Variants in MAP3K4 observed in about 807,000 individuals in gnomAD.
MAP3K4 encodes mitogen-activated protein kinase kinase kinase 4, also known as MAP three kinase 1.
MAP3K4 carries 67 observed loss-of-function variants against 185.6 expected under a neutral mutation model. The observed-to-expected ratio is 0.36, with a 90% CI of 0.30 to 0.44. The LOEUF (loss-of-function observed/expected upper bound fraction) is 0.44, where lower values mean the gene tolerates loss of function less well. MAP3K4 is among the 20% of genes least tolerant of loss of function. The pLI is 1.00. For missense variants in MAP3K4, 1,551 were observed against 1,995.1 expected (o/e 0.78, Z 4.24); for synonymous variants, 702 against 710.4 (o/e 0.99, Z 0.19).
chr6:161,012,200 A>C (rs1781881069), intron 1 of MAP3K4, among the ~76,000 whole-genome samples: 1 of 152,136 alleles, frequency 6.6e-6, no homozygotes, highest in Non-Finnish European at 1.5e-5. Context: ...GCCTCTGAGA[A>C]TTTAGAGTCT....
chr6:161,065,780 T>TA (rs1480876073), intron 3 of MAP3K4, among the ~76,000 whole-genome samples: 1 of 151,944 alleles, frequency 6.6e-6, no homozygotes, highest in African/African-American at 2.4e-5. Context: ...CTACTAAAAA[T>TA]ACAAAAAATT....
rs182586139 is a variant in MAP3K4, at chr6:161,067,154, T to C, written c.1708-3454T>C. The C allele has an allele frequency of 7.1e-6, 2 of 282,786 alleles. No homozygotes were observed. The highest frequency in any genetic ancestry group is 7.6e-5 in the Admixed American group (2 of 26,450). 17.5% of individuals were successfully genotyped at this position (282,786 alleles called of 1,614,324 possible). On this transcript the variant is annotated intron_variant, in intron 3 of 26. Coordinates refer to ENST00000392142, the MANE Select transcript of MAP3K4 (RefSeq NM_005922.4). The surrounding 1 kb of genome is among the most constrained non-coding windows in gnomAD (Gnocchi z 6.3). ...ACAGCCTCAGGACGTCCTGACTATGTGTGCCCAAGGTGGTCAGGGCACAGC... is the reference window on the plus strand; with the variant it reads ...ACAGCCTCAGGACGTCCTGACTATGCGTGCCCAAGGTGGTCAGGGCACAGC...
chr6:161,098,461 C>T lies in MAP3K4; in HGVS notation c.3674+34C>T. On this transcript the variant is annotated intron_variant, in intron 17 of 26. Coordinates refer to ENST00000392142, the MANE Select transcript of MAP3K4 (RefSeq NM_005922.4). The surrounding 1 kb of genome is among the most constrained non-coding windows in gnomAD (Gnocchi z 4.4). ...ACCCCACCAGTGTCCCGTACCCTCA[C>T]CACCCCTTACATGCGCTTACACAGC... The T allele has an allele frequency of 5.6e-6, 9 of 1,593,244 alleles. No homozygotes were observed. The highest frequency in any genetic ancestry group is 2.3e-5 in the East Asian group (1 of 44,358).
At position 161,041,912 on chromosome 6, in the gene MAP3K4, C is replaced by CTTTTTTTTTTT. The variant is rs1184107037; in HGVS notation, c.344-6701_344-6691dup. 2.2e-3 allele frequency among the ~76,000 whole-genome samples: 142 copies of CTTTTTTTTTTT among 64,008 alleles called. 16 individuals are homozygous for CTTTTTTTTTTT. Among genetic ancestry groups the CTTTTTTTTTTT allele is most frequent in the African/African-American group, 5.4e-3 (85 of 15,838 alleles). The allele number at this position is 64,008 out of a possible 152,430, so 42.0% of individuals were successfully genotyped here. A position where few individuals can be genotyped will look rare whatever the true frequency, so the allele number is the denominator to read the frequency against. ...GGGTAAAGGCCTTGAGTTATTGTTT[C>CTTTTTTTTTTT]TTTTTTTTTTTTTCTTTTTTTTTTT... On this transcript the variant is annotated intron_variant, in intron 2 of 26. Coordinates refer to ENST00000392142, the MANE Select transcript of MAP3K4 (RefSeq NM_005922.4).
intron 1 of MAP3K4, among the ~76,000 whole-genome samples, chr6:161,030,370 A>G (rs934247539): frequency 2.0e-5 from 3 of 151,856 alleles, no homozygotes; most frequent in Non-Finnish European, 4.4e-5. Flanking sequence ...TACTTGAGTC[A>G]TTTCTGGTCT....
chr6:161,111,317 C>T (rs1282513335), intron 23 of MAP3K4, among the ~76,000 whole-genome samples: 1 of 152,222 alleles, frequency 6.6e-6, no homozygotes, highest in African/African-American at 2.4e-5. Flanking sequence ...CAAATTCTAA[C>T]TAGACTACAA....
rs1784116655 is a variant in MAP3K4, at chr6:161,053,859, G to A, written c.1707+3880G>A. Among the ~76,000 whole-genome samples the A allele has an allele frequency of 1.3e-5, 2 of 152,182 alleles. No homozygotes were observed. Among genetic ancestry groups the A allele is most frequent in the African/African-American group, 4.8e-5 (2 of 41,432 alleles). ...TCCACCTGCCTCCGCCTCCCAAAGT[G>A]CTGGGATTACAGGCGTGAGCCACTG... is the stretch of plus-strand genomic sequence containing the variant. On this transcript the variant is annotated intron_variant, in intron 3 of 26. Transcript: ENST00000392142. The surrounding 1 kb of genome is among the most constrained non-coding windows in gnomAD (Gnocchi z 4.2).
At chr6:161,030,042 A>T (rs1782852588) in intron 1 of MAP3K4, among the ~76,000 whole-genome samples, 1 of 152,056 alleles carries the variant, frequency 6.6e-6, no homozygotes, top group African/African-American at 2.4e-5. Flanking sequence ...TTTTCTTTAT[A>T]GTTCTTTAGC....
At chr6:161,055,790 G>A (rs926034697) in intron 3 of MAP3K4, among the ~76,000 whole-genome samples, 6 of 152,124 alleles carry the variant, frequency 3.9e-5, no homozygotes, top group Non-Finnish European at 8.8e-5. Context: ...TGATCACTTG[G>A]TTAAGGTGGT....
rs187043769 is a variant in MAP3K4, at chr6:161,050,006, A to G, written c.1707+27A>G. ...TAGGTTTCCAGTAGGTATTAATACA[A>G]TGATATCCTTAGTTCCATTTATTTA... On this transcript the variant is annotated intron_variant, in intron 3 of 26. Transcript: ENST00000392142. The G allele has an allele frequency of 4.0e-4, 619 of 1,551,826 alleles. 3 individuals are homozygous for G. The East Asian group carries it at 0.01, about 26-fold the overall frequency.
intron 2 of MAP3K4, among the ~76,000 whole-genome samples, chr6:161,042,081 T>C (rs1427954948): frequency 2.0e-5 from 3 of 152,000 alleles, no homozygotes; most frequent in Non-Finnish European, 4.4e-5. Context: ...TAAAGGGCTT[T>C]TATGTGATTA....
At chr6:161,004,707 A>G (rs1049145105) in intron 1 of MAP3K4, among the ~76,000 whole-genome samples, 9 of 152,250 alleles carry the variant, frequency 5.9e-5, no homozygotes, top group Admixed American at 5.2e-4. Flanking sequence ...AACCCAAGTG[A>G]CAATAAATAT....
intron 18 of MAP3K4, 96 bp from the exon 19 acceptor site, chr6:161,102,603 C>A: frequency 1.4e-6 from 1 of 692,014 alleles, no homozygotes; most frequent in Non-Finnish European, 2.3e-6. Context: ...GAAAGGCAAA[C>A]AGGTTGCTTT....
At position 161,021,966 on chromosome 6, in the gene MAP3K4, G is replaced by C. The variant is rs1369559634; in HGVS notation, c.153-12293G>C. Among the ~76,000 whole-genome samples, 3 of 152,212 alleles carry C rather than the reference G, an allele frequency of 2.0e-5. No individual in the cohort carries two copies. In the South Asian group the frequency reaches 6.2e-4, roughly 32 times the overall value. On this transcript the variant is annotated intron_variant, in intron 1 of 26. Coordinates refer to ENST00000392142, the MANE Select transcript of MAP3K4 (RefSeq NM_005922.4). ...ACAAAAGTGAATAAAAGAAAATGGTGTACATTTAACACATTTATATCTTCT... is the reference window on the plus strand; with the variant it reads ...ACAAAAGTGAATAAAAGAAAATGGTCTACATTTAACACATTTATATCTTCT...
In MAP3K4 at chr6:161,109,324, C is replaced by T. The variant is rs185528796; in HGVS notation, c.4237-431C>T. Among the ~76,000 whole-genome samples the T allele has an allele frequency of 2.6e-4, 39 of 152,058 alleles. No homozygotes were observed. Among genetic ancestry groups the T allele is most frequent in the African/African-American group, 8.4e-4 (35 of 41,464 alleles). On this transcript the variant is annotated intron_variant, in intron 22 of 26. Transcript: ENST00000392142. This position sits in a 1 kb window ranked among gnomAD's most constrained non-coding sequence, Gnocchi z 5.7. The stretch of plus-strand genomic sequence containing the variant: ...AGGGAAAGAGGATAACTTGGAGCAT[C>T]GTGGTGTAGAGCATGAGCTTCCAGG...
chr6:161,113,462 T>C (rs904958290), intron 25 of MAP3K4, among the ~76,000 whole-genome samples: 3 of 151,974 alleles, frequency 2.0e-5, no homozygotes, highest in Non-Finnish European at 4.4e-5. Flanking sequence ...CATGTTAGTA[T>C]GTGTATGTCC....
Position 161,087,729 on chromosome 6 carries a change from A to G in MAP3K4, c.2598A>G (p.Pro866=), listed in dbSNP as rs895326410. Residue 866 remains proline (P), a synonymous_variant, in exon 10 of 27, where the codon CCA becomes CCG. Coordinates refer to ENST00000392142, the MANE Select transcript of MAP3K4 (RefSeq NM_005922.4). This position sits in a 1 kb window ranked among gnomAD's most constrained non-coding sequence, Gnocchi z 4.9. The part of the protein sequence containing the change: ...PGLENLQMFV[P]DTLAEEKSII... ...TAGAAAACTTGCAAATGTTTGTTCC[A>G]GACACTCTTGCTGAGGAGAAGAGTA... 1.2e-6 allele frequency: 2 copies of G among 1,614,082 alleles called. No individual in the cohort carries two copies. The highest frequency in any genetic ancestry group is 1.3e-5 in the African/African-American group (1 of 74,950).
chr6:161,082,555 A>T lies in MAP3K4; in HGVS notation c.2255+1517A>T, dbSNP rs950085063. Among the ~76,000 whole-genome samples, 2 of 151,782 alleles carry T rather than the reference A, an allele frequency of 1.3e-5. No individual in the cohort carries two copies. The highest frequency in any genetic ancestry group is 4.8e-5 in the African/African-American group (2 of 41,272). Reference sequence around the variant, plus strand: ...CCCTTCTTGTGAACAGTCCACTTTTATTCTAGTTCTGGACTCCACTGCATT... The same window carrying T: ...CCCTTCTTGTGAACAGTCCACTTTTTTTCTAGTTCTGGACTCCACTGCATT... On this transcript the variant is annotated intron_variant, in intron 6 of 26. Coordinates refer to ENST00000392142, the MANE Select transcript of MAP3K4 (RefSeq NM_005922.4). The surrounding 1 kb of genome is among the most constrained non-coding windows in gnomAD (Gnocchi z 4.2).
chr6:161,040,029 G>A (rs909679861), intron 2 of MAP3K4, among the ~76,000 whole-genome samples: 2 of 152,108 alleles, frequency 1.3e-5, no homozygotes, highest in African/African-American at 4.8e-5. Flanking sequence ...GTATTGAATG[G>A]TATGTGTGTT....
Sources: gnomAD v4.1 joint callset for allele counts (sites outside exome capture counted in the v4.1 genomes callset) on GRCh38, gnomAD v4.1.1 for gene constraint, Gnocchi (gnomAD v3.1) non-coding constraint, MANE v1.5 for transcripts, NCBI Gene and HGNC (gene_info 2026-07-23, HGNC 2026-07-21) for gene names.